Variants in MAD1L1 observed in about 807,000 individuals in gnomAD.
The protein encoded by MAD1L1 is mitotic arrest deficient 1 like 1.
Under a neutral mutation model 96.9 loss-of-function variants are expected in MAD1L1, and 95 were observed. The observed-to-expected ratio is 0.98, with a 90% confidence interval of 0.83 to 1.16. The LOEUF (loss-of-function observed/expected upper bound fraction) is 1.16. Ranked by LOEUF, MAD1L1 falls within the 50% of genes most tolerant of loss-of-function variation. The pLI is 0.00. For synonymous variants in MAD1L1, 473 were observed against 396.6 expected, an observed-to-expected ratio of 1.19 and a Z score of -2.29; for missense variants, 1,007 against 954.4, an observed-to-expected ratio of 1.06 and a Z score of -0.73.
chr7:2,009,348 C>T (rs563738274), intron 13 of MAD1L1, among the ~76,000 whole-genome samples: 2 of 152,324 alleles, frequency 1.3e-5, no homozygotes, highest in African/African-American at 4.8e-5. Flanking sequence ...GACCAGAGGG[C>T]ACCAGGCACA....
At chr7:2,116,570 G>GA (rs1474754089) in intron 11 of MAD1L1, among the ~76,000 whole-genome samples, 1 of 121,036 alleles carries the variant, frequency 8.3e-6, no homozygotes. Context: ...AGAGGGTTGG[G>GA]GGGGGGGGGG....
intron 3 of MAD1L1, among the ~76,000 whole-genome samples, chr7:2,229,334 C>T (rs965602412): frequency 6.6e-6 from 1 of 152,190 alleles, no homozygotes; most frequent in African/African-American, 2.4e-5. Flanking sequence ...TTGGGGGCCC[C>T]ATTATCGCAG....
intron 15 of MAD1L1, among the ~76,000 whole-genome samples, chr7:1,971,802 G>C (rs929071322): frequency 6.6e-6 from 1 of 152,158 alleles, no homozygotes; most frequent in African/African-American, 2.4e-5. Flanking sequence ...CGCCAGCAAT[G>C]GAACAGCCAA....
chr7:2,065,180 T>G (rs1784827195), intron 12 of MAD1L1, among the ~76,000 whole-genome samples: 1 of 152,354 alleles, frequency 6.6e-6, no homozygotes, highest in East Asian at 1.9e-4. Context: ...CTGCCCCCTA[T>G]TTAACTGTTT....
intron 12 of MAD1L1, among the ~76,000 whole-genome samples, chr7:2,043,671 C>T (rs907797155): frequency 6.6e-6 from 1 of 152,192 alleles, no homozygotes; most frequent in Non-Finnish European, 1.5e-5. Flanking sequence ...ACTGGCTGAG[C>T]GCCTGTTTCC....
chr7:2,224,648 A>C (rs1342647657), intron 4 of MAD1L1, among the ~76,000 whole-genome samples: 4 of 152,198 alleles, frequency 2.6e-5, no homozygotes, highest in Admixed American at 2.6e-4. Context: ...GAGGGCACGG[A>C]GGCCAGGGAG....
rs930913384 is a variant in MAD1L1 at position 1,851,648 on chromosome 7, G to A, written c.1999-35420C>T. On this transcript the variant is annotated intron_variant, in intron 18 of 18. Transcript: ENST00000265854. The stretch of plus-strand genomic sequence containing the variant: ...AACTAGAATGGAACAGTTAGTGAAG[G>A]CGTGGCGAGGAAGACGGCAGGAGGT... Among the ~76,000 whole-genome samples, 3 of 152,196 alleles carry A rather than the reference G, an allele frequency of 2.0e-5. No homozygotes were observed. In the South Asian group the frequency reaches 6.2e-4, roughly 32 times the overall value.
chr7:2,230,624 A>C lies in MAD1L1; in HGVS notation c.-86T>G, dbSNP rs1446298966. On this transcript the variant is annotated 5_prime_UTR_variant, in exon 2 of 19. Transcript: ENST00000265854. ...GAAGCCTGGCAGTGTGACACAGTCC[A>C]AGTCTGAAGGCCTCAGAGCCAGGGG... 6.3e-6 allele frequency: 1 copy of C among 159,760 alleles called. No homozygotes were observed. Among genetic ancestry groups the C allele is most frequent in the African/African-American group, 2.4e-5 (1 of 41,660 alleles). The allele number at this position is 159,760 out of a possible 1,614,324, so 9.9% of individuals were successfully genotyped here.
At chr7:1,893,190 C>T (rs1295182180) in intron 18 of MAD1L1, among the ~76,000 whole-genome samples, 1 of 152,144 alleles carries the variant, frequency 6.6e-6, no homozygotes, top group African/African-American at 2.4e-5. Flanking sequence ...CCTGCCTTTC[C>T]CCCAAACGGC....
chr7:1,977,471 G>A (rs1036790543), intron 15 of MAD1L1, among the ~76,000 whole-genome samples: 9 of 152,092 alleles, frequency 5.9e-5, no homozygotes, highest in East Asian at 1.9e-4. Context: ...CACCACGCAC[G>A]CAACCCCAGT....
chr7:2,158,761 C>T (rs1380659351), intron 10 of MAD1L1, among the ~76,000 whole-genome samples: 2 of 151,714 alleles, frequency 1.3e-5, no homozygotes, highest in Non-Finnish European at 2.9e-5. Context: ...CCCCAGAACA[C>T]GGGAGGAGCA....
chr7:1,852,909 G>A (rs1271689357), intron 18 of MAD1L1, among the ~76,000 whole-genome samples: 1 of 152,128 alleles, frequency 6.6e-6, no homozygotes, highest in East Asian at 1.9e-4. Context: ...GCTGTCCCTG[G>A]AGCCCATGTC....
chr7:1,951,649 T>G (rs1052043097), intron 16 of MAD1L1, among the ~76,000 whole-genome samples: 1 of 152,198 alleles, frequency 6.6e-6, no homozygotes, highest in Non-Finnish European at 1.5e-5. Flanking sequence ...TCTATGGATC[T>G]GATGACTCTA....
intron 18 of MAD1L1, among the ~76,000 whole-genome samples, chr7:1,875,205 G>A (rs1262633206): frequency 6.6e-6 from 1 of 152,198 alleles, no homozygotes; most frequent in African/African-American, 2.4e-5. Context: ...CTGTTCCCAG[G>A]GGCCCTGCTG....
chr7:2,079,375 C>T (rs932199587), intron 11 of MAD1L1, among the ~76,000 whole-genome samples: 1 of 152,174 alleles, frequency 6.6e-6, no homozygotes, highest in Non-Finnish European at 1.5e-5. Context: ...AATAAAAATC[C>T]AAACAGCGGA....
chr7:1,851,161 C>T (rs185546740), intron 18 of MAD1L1, among the ~76,000 whole-genome samples: 145 of 152,318 alleles, frequency 9.5e-4, no homozygotes, highest in African/African-American at 3.0e-3. Context: ...CTGATGGCGG[C>T]AACCCTGTGG....
intron 17 of MAD1L1, among the ~76,000 whole-genome samples, chr7:1,902,132 G>C (rs1356663654): frequency 6.6e-6 from 1 of 152,172 alleles, no homozygotes; most frequent in South Asian, 2.1e-4. Flanking sequence ...CACGACACTG[G>C]TGCCTGAACA....
chr7:2,195,603 T>G (rs1791946808), intron 10 of MAD1L1, among the ~76,000 whole-genome samples: 1 of 152,234 alleles, frequency 6.6e-6, no homozygotes, highest in Admixed American at 6.5e-5. Flanking sequence ...TCCATGAAAC[T>G]GAAGAGTAGT....
In MAD1L1 at chr7:2,142,934, C is replaced by G. The variant is rs1789114749; in HGVS notation, c.1073+6218G>C. Among the ~76,000 whole-genome samples the G allele has an allele frequency of 6.6e-6, 1 of 152,200 alleles. No individual in the cohort carries two copies. Among genetic ancestry groups the G allele is most frequent in the South Asian group, 2.1e-4 (1 of 4,834 alleles). On this transcript the variant is annotated intron_variant, in intron 11 of 18. Coordinates refer to ENST00000265854, the MANE Select transcript of MAD1L1 (RefSeq NM_001013836.2). This position sits in a 1 kb window ranked among gnomAD's most constrained non-coding sequence, Gnocchi z 4.7. ...TTGACCTCCCAGATGCCCCCACCGC[C>G]TAACCCGTCTGATCATCACCACTGG... is the stretch of plus-strand genomic sequence containing the variant.
Sources: allele counts gnomAD v4.1 joint callset (sites outside exome capture counted in the v4.1 genomes callset), GRCh38; gene constraint gnomAD v4.1.1; non-coding constraint Gnocchi (gnomAD v3.1); transcripts MANE v1.5; gene names NCBI Gene and HGNC (gene_info 2026-07-23, HGNC 2026-07-21).